The following TGM4 variants were observed in gnomAD, a reference collection of about 807,000 sequenced individuals.
The protein encoded by TGM4 is protein-glutamine gamma-glutamyltransferase 4.
In TGM4, 61 loss-of-function variants were observed where a neutral mutation model predicts 76.3. The observed-to-expected ratio is 0.80, with a 90% CI of 0.65 to 0.99. TGM4 has a LOEUF of 0.99. Ranked by LOEUF, TGM4 falls within the 50% of genes least tolerant of loss-of-function variation. The probability of loss-of-function intolerance (pLI) is 0.00; values close to 1 mark genes in which losing one functional copy is unlikely to be tolerated. For synonymous variants in TGM4, 337 were observed against 329.8 expected, an observed-to-expected ratio of 1.02 and a Z score of -0.24; for missense variants, 794 against 843.2, an observed-to-expected ratio of 0.94 and a Z score of 0.72.
chr3:44,885,368 C>G lies in TGM4; in HGVS notation c.63C>G (p.Ala21=), dbSNP rs34630572. ...LHIDFLNQDN[A]VSHHTWEFQT... is the part of the protein sequence containing the mutation. ...TTGACTTCTTGAATCAGGACAACGCCGTTTCTCACCACACATGGGAGTTCC... is the reference window on the plus strand; with the variant it reads ...TTGACTTCTTGAATCAGGACAACGCGGTTTCTCACCACACATGGGAGTTCC... The change falls in exon 2 of 14, where the codon GCC becomes GCG. Residue 21 remains alanine (A), a synonymous_variant. Transcript: ENST00000296125. The G allele has an allele frequency of 5.0e-6, 8 of 1,613,756 alleles. No homozygotes were observed. Among genetic ancestry groups the G allele is most frequent in the Non-Finnish European group, 6.8e-6 (8 of 1,179,746 alleles).
Position 44,907,829 on chromosome 3 carries a change from CCT to C in TGM4, c.1327+630_1327+631del, listed in dbSNP as rs1418922472. On this transcript the variant is annotated intron_variant, in intron 10 of 13. Coordinates refer to ENST00000296125, the MANE Select transcript of TGM4 (RefSeq NM_003241.4). Reference sequence around the variant, plus strand: ...CTCAATCTGACAGATTTGTATTTCCCCTGTGGCCCATTGGCTGTGGTTCCTGT... The same window carrying C: ...CTCAATCTGACAGATTTGTATTTCCCGTGGCCCATTGGCTGTGGTTCCTGT... 3.9e-5 allele frequency among the ~76,000 whole-genome samples: 6 copies of C among 152,284 alleles called. No individual in the cohort carries two copies. The South Asian group carries it at 1.2e-3, about 32-fold the overall frequency.
At chr3:44,875,487 A>G (rs541365767) in intron 1 of TGM4, among the ~76,000 whole-genome samples, 1 of 152,166 alleles carries the variant, frequency 6.6e-6, no homozygotes, top group South Asian at 2.1e-4. Flanking sequence ...AGCAGAGCGG[A>G]GTCATGTGCC....
At chr3:44,879,626 C>A (rs889045926) in intron 1 of TGM4, among the ~76,000 whole-genome samples, 1 of 151,842 alleles carries the variant, frequency 6.6e-6, no homozygotes, top group East Asian at 1.9e-4. Context: ...GCGCCTGCCA[C>A]CACATCCGGC....
At position 44,909,661 on chromosome 3, in the gene TGM4, G is replaced by C. The variant is rs190886883; in HGVS notation, c.1328-429G>C. Among the ~76,000 whole-genome samples the C allele has an allele frequency of 1.1e-4, 17 of 152,288 alleles. No homozygotes were observed. The East Asian group carries it at 3.3e-3, about 29-fold the overall frequency. On this transcript the variant is annotated intron_variant, in intron 10 of 13. Transcript: ENST00000296125. ...CTGCTGGTTTTCACTGTGATTTGGT[G>C]CTGTGGTTTTTGAGTCTACTCTGGA... is the stretch of plus-strand genomic sequence containing the variant.
At chr3:44,901,475 T>C in intron 6 of TGM4, 49 bp from the exon 7 acceptor site, 2 of 1,545,424 alleles carry the variant, frequency 1.3e-6, no homozygotes, top group Non-Finnish European at 1.8e-6. Flanking sequence ...TGGCAGCACC[T>C]TGTTCTTCTG....
At chr3:44,902,031 C>A in intron 8 of TGM4, 100 bp downstream of exon 8, 1 of 1,435,412 alleles carries the variant, frequency 7.0e-7, no homozygotes, top group Non-Finnish European at 9.4e-7. Context: ...CCAGGCTGGT[C>A]TTGAACTGGT....
At chr3:44,901,957 C>G in intron 8 of TGM4, 26 bp downstream of exon 8, 1 of 1,605,554 alleles carries the variant, frequency 6.2e-7, no homozygotes, top group Non-Finnish European at 8.5e-7. Flanking sequence ...CTCAACCTGC[C>G]CTGTCTCCTT....
At chr3:44,883,149 G>A (rs1038586720) in intron 1 of TGM4, among the ~76,000 whole-genome samples, 4 of 152,226 alleles carry the variant, frequency 2.6e-5, no homozygotes, top group African/African-American at 9.6e-5. Context: ...TTTGCGATTG[G>A]CTCTGGGTCC....
In TGM4 at chr3:44,913,671, T is replaced by C. The variant is rs1700039795; in HGVS notation, c.2001T>C (p.Ser667=). The part of the protein sequence containing the change: ...TGPKKFIVKL[S]SKQVKEINAQ... Reference sequence around the variant, plus strand: ...CCAAGAAATTTATCGTCAAGTTAAGTTCCAAACAAGTGAAAGAGATTAATG... The same window carrying C: ...CCAAGAAATTTATCGTCAAGTTAAGCTCCAAACAAGTGAAAGAGATTAATG... Residue 667 remains serine (S), a synonymous_variant, in exon 14 of 14, where the codon AGT becomes AGC. Coordinates refer to ENST00000296125, the MANE Select transcript of TGM4 (RefSeq NM_003241.4). 1 of 1,614,228 alleles carries C rather than the reference T, an allele frequency of 6.2e-7. No individual in the cohort carries two copies. Among genetic ancestry groups the C allele is most frequent in the African/African-American group, 1.3e-5 (1 of 75,056 alleles).
chr3:44,888,121 C>T (rs971939969), intron 3 of TGM4: 11 of 281,164 alleles, frequency 3.9e-5, no homozygotes, highest in African/African-American at 1.9e-4. Context: ...ACCCATCCTT[C>T]CTTCCAGGCT....
At position 44,910,278 on chromosome 3, in the gene TGM4, A is replaced by G; in HGVS notation, c.1516A>G (p.Ile506Val). 8 of 1,614,232 alleles carry G rather than the reference A, an allele frequency of 5.0e-6. No homozygotes were observed. The highest frequency in any genetic ancestry group is 2.2e-5 in the East Asian group (1 of 44,878). The stretch of plus-strand genomic sequence containing the variant: ...GACCGCTGCCCTACAGAATGTCAAC[A>G]TCTTGGGCTCCTTTGAACTACAGTT... ...RKTAALQNVN[I>V]LGSFELQLYT... Residue 506 changes from isoleucine to valine, a missense_variant, in exon 11 of 14, where the codon ATC becomes GTC. By Grantham distance (29) the Ile-to-Val change is conservative. Coordinates refer to ENST00000296125, the MANE Select transcript of TGM4 (RefSeq NM_003241.4).
intron 4 of TGM4, among the ~76,000 whole-genome samples, chr3:44,893,322 A>AGT (rs780120159): frequency 6.6e-6 from 1 of 151,956 alleles, no homozygotes; most frequent in Non-Finnish European, 1.5e-5. Flanking sequence ...CTTTCTTTTC[A>AGT]GTGGTTTATG....
chr3:44,906,934 C>G lies in TGM4; in HGVS notation c.1076-15C>G. On this transcript the variant is annotated splice_polypyrimidine_tract_variant and intron_variant, in intron 9 of 13. Coordinates refer to ENST00000296125, the MANE Select transcript of TGM4 (RefSeq NM_003241.4). ...GGAACCCCACTGAGAGTGACCACCC[C>G]TGGCTTCCCCTCAGGTGTCTTCTGC... 6.2e-7 allele frequency: 1 copy of G among 1,611,412 alleles called. No individual in the cohort carries two copies.
Position 44,906,974 on chromosome 3 carries a change from A to T in TGM4, c.1101A>T (p.Pro367=). The change falls in exon 10 of 14, where the codon CCA becomes CCT. Residue 367 remains proline, a synonymous_variant. Transcript: ENST00000296125. The stretch of plus-strand genomic sequence containing the variant: ...GTGTCTTCTGCTGTGGGCCATCACC[A>T]CTGACCGCCATCCGCAAAGGTGACA... The part of the protein sequence containing the change: ...SQGVFCCGPS[P]LTAIRKGDIF... 1 of 1,614,078 alleles carries T rather than the reference A, an allele frequency of 6.2e-7. No homozygotes were observed. Among genetic ancestry groups the T allele is most frequent in the South Asian group, 1.1e-5 (1 of 91,076 alleles).
At chr3:44,904,020 A>T (rs983631921) in intron 9 of TGM4, 33 bp downstream of exon 9, 7 of 1,578,974 alleles carry the variant, frequency 4.4e-6, no homozygotes, top group Non-Finnish European at 5.2e-6. Flanking sequence ...CTGGGCATCC[A>T]TGCTGCTCTC....
chr3:44,902,717 A>C (rs1163923527), intron 8 of TGM4, among the ~76,000 whole-genome samples: 2 of 152,236 alleles, frequency 1.3e-5, no homozygotes, highest in Non-Finnish European at 2.9e-5. Flanking sequence ...TTGGCCCAGG[A>C]GATCTGATAT....
intron 1 of TGM4, among the ~76,000 whole-genome samples, chr3:44,880,249 T>G (rs1489953945): frequency 6.6e-6 from 1 of 152,220 alleles, no homozygotes; most frequent in Non-Finnish European, 1.5e-5. Flanking sequence ...GGGAATGCCA[T>G]AAAACTTTGG....
chr3:44,879,292 A>C, intron 1 of TGM4, among the ~76,000 whole-genome samples: 1 of 113,828 alleles, frequency 8.8e-6, no homozygotes, highest in Non-Finnish European at 1.9e-5. Flanking sequence ...TATATAGTTT[A>C]TTTAATTTAA....
intron 2 of TGM4, 76 bp from the exon 3 acceptor site, chr3:44,887,613 G>T: frequency 2.9e-6 from 4 of 1,378,400 alleles, no homozygotes; most frequent in Non-Finnish European, 4.0e-6. Context: ...GTGGGCAGTA[G>T]GTGGGCCCGA....
Sources: gnomAD v4.1 joint callset for allele counts (sites outside exome capture counted in the v4.1 genomes callset) on GRCh38, gnomAD v4.1.1 for gene constraint, MANE v1.5 for transcripts, NCBI Gene and HGNC (gene_info 2026-07-23, HGNC 2026-07-21) for gene names.